The following CNST variants were observed in gnomAD, a reference collection of about 807,000 sequenced individuals.
CNST encodes consortin, connexin sorting protein.
A neutral mutation model predicts 72.4 loss-of-function variants in CNST; 39 were observed. The observed-to-expected ratio is 0.54, with a 90% CI of 0.42 to 0.70. CNST has a LOEUF of 0.70. Among genes scored for constraint, CNST ranks in the 30% least tolerant of loss-of-function variants. The probability of loss-of-function intolerance (pLI) is 0.00; values close to 1 mark genes in which losing one functional copy is unlikely to be tolerated. For missense variants in CNST, 871 were observed against 868.5 expected (o/e 1.00, Z -0.04); for synonymous variants, 332 against 320.1 (o/e 1.04, Z -0.40).
chr1:246,668,549 C>CTTTTAGATTTAAAATA lies in CNST; in HGVS notation c.*2658_*2659insTATTTTAGATTTAAAA, dbSNP rs772616363. ...CTGAAGATTATTCTAAACATTCATT[C>CTTTTAGATTTAAAATA]TTTTAGATTTAAAAATAAAAATCTT... On this transcript the variant is annotated 3_prime_UTR_variant, in exon 11 of 11. Transcript: ENST00000366513. The CTTTTAGATTTAAAATA allele has an allele frequency of 6.6e-6, 1 of 152,188 alleles. No homozygotes were observed. Among genetic ancestry groups the CTTTTAGATTTAAAATA allele is most frequent in the Non-Finnish European group, 1.5e-5 (1 of 68,018 alleles). 9.4% of individuals were successfully genotyped at this position (152,188 alleles called of 1,614,324 possible).
chr1:246,569,319 G>A (rs1458879826), intron 1 of CNST, among the ~76,000 whole-genome samples: 2 of 151,968 alleles, frequency 1.3e-5, no homozygotes, highest in African/African-American at 4.8e-5. Context: ...TATAAAATCT[G>A]GTATTTTATA....
intron 8 of CNST, among the ~76,000 whole-genome samples, chr1:246,646,315 AC>A (rs570233389): frequency 2.0e-5 from 3 of 151,660 alleles, no homozygotes; most frequent in African/African-American, 7.3e-5. Flanking sequence ...ATTTGCAAAC[AC>A]ATTTATTAGT....
intron 2 of CNST, among the ~76,000 whole-genome samples, chr1:246,610,170 T>C (rs561980886): frequency 5.3e-4 from 81 of 152,108 alleles, no homozygotes; most frequent in African/African-American, 1.8e-3. Context: ...TAATCCCAGC[T>C]ACTTGGGAGG....
At chr1:246,593,316 A>G (rs1469147233) in intron 2 of CNST, among the ~76,000 whole-genome samples, 1 of 149,792 alleles carries the variant, frequency 6.7e-6, no homozygotes, top group African/African-American at 2.4e-5. Flanking sequence ...AGGGATATGA[A>G]AGCTTTTTTT....
At chr1:246,570,743 T>C (rs1660020770) in intron 1 of CNST, among the ~76,000 whole-genome samples, 1 of 152,238 alleles carries the variant, frequency 6.6e-6, no homozygotes. Context: ...GGCACCCTTT[T>C]AGTTGGATAA....
In CNST at chr1:246,665,770, A is replaced by G; in HGVS notation, c.2043A>G (p.Gly681=). The G allele has an allele frequency of 6.2e-7, 1 of 1,613,948 alleles. No individual in the cohort carries two copies. The highest frequency in any genetic ancestry group is 2.2e-5 in the East Asian group (1 of 44,880). The change falls in exon 11 of 11, where the codon GGA becomes GGG. Residue 681 remains glycine (G), a synonymous_variant. Coordinates refer to ENST00000366513, the MANE Select transcript of CNST (RefSeq NM_152609.3). Reference sequence around the variant, plus strand: ...TAGCAACGGTTTTCCTCAGTGTTGGAGGAACTGCATTATACTGCACTTTCG... The same window carrying G: ...TAGCAACGGTTTTCCTCAGTGTTGGGGGAACTGCATTATACTGCACTTTCG... ...LCIATVFLSV[G]GTALYCTFGD...
intron 1 of CNST, among the ~76,000 whole-genome samples, chr1:246,575,817 G>A (rs1660366272): frequency 6.6e-6 from 1 of 151,998 alleles, no homozygotes; most frequent in Admixed American, 6.6e-5. Context: ...AGAAGTGGAA[G>A]AGGAAAAAAG....
intron 9 of CNST, among the ~76,000 whole-genome samples, chr1:246,657,536 C>T (rs1322520904): frequency 1.3e-5 from 2 of 152,140 alleles, no homozygotes; most frequent in African/African-American, 4.8e-5. Context: ...AAAATGTTAG[C>T]CCATCCCACA....
At chr1:246,594,338 T>G (rs985021072) in intron 2 of CNST, among the ~76,000 whole-genome samples, 7 of 152,170 alleles carry the variant, frequency 4.6e-5, no homozygotes, top group Non-Finnish European at 8.8e-5. Context: ...TATTTAGTAT[T>G]TATAATACTG....
intron 2 of CNST, among the ~76,000 whole-genome samples, chr1:246,594,166 A>C (rs1411416215): frequency 6.6e-6 from 1 of 151,890 alleles, no homozygotes; most frequent in African/African-American, 2.4e-5. Flanking sequence ...CACTTTTCTT[A>C]GGTGTGATTA....
chr1:246,581,683 A>G lies in CNST; in HGVS notation c.-51-9829A>G, dbSNP rs532082737. Among the ~76,000 whole-genome samples, 547 of 152,338 alleles carry G rather than the reference A, an allele frequency of 3.6e-3. 4 individuals carry two copies. The highest frequency in any genetic ancestry group is 0.011 in the African/African-American group (455 of 41,586). ...GAGGACATTGCATTTTACATTTTCCATTTCTTATAAACTTTTACAAAAGCA... is the reference window on the plus strand; with the variant it reads ...GAGGACATTGCATTTTACATTTTCCGTTTCTTATAAACTTTTACAAAAGCA... On this transcript the variant is annotated intron_variant, in intron 1 of 10. Transcript: ENST00000366513.
At chr1:246,660,442 T>C in intron 10 of CNST, 108 bp downstream of exon 10, 1 of 1,268,584 alleles carries the variant, frequency 7.9e-7, no homozygotes, top group South Asian at 1.4e-5. Flanking sequence ...AAAGACTATG[T>C]CCGCCAGGCA....
At chr1:246,566,900 C>T in intron 1 of CNST, 1 of 368,172 alleles carries the variant, frequency 2.7e-6, no homozygotes, top group Non-Finnish European at 4.8e-6. Flanking sequence ...CCAATTTCTC[C>T]CTCCCTAGGG....
At position 246,647,779 on chromosome 1, in the gene CNST, G is replaced by C. The variant is rs768985137; in HGVS notation, c.1578G>C (p.Val526=). 9.3e-6 allele frequency: 15 copies of C among 1,614,088 alleles called. No homozygotes were observed. The highest frequency in any genetic ancestry group is 2.7e-5 in the African/African-American group (2 of 74,942). Residue 526 remains valine, a synonymous_variant, in exon 9 of 11, where the codon GTG becomes GTC. Transcript: ENST00000366513. ...ISDLGILLPE[V]CMAPEEKGDK... is the part of the protein sequence containing the mutation. ...ACTTAGGCATACTGCTTCCAGAGGTGTGTATGGCCCCAGAGGAAAAGGGAG... is the reference window on the plus strand; with the variant it reads ...ACTTAGGCATACTGCTTCCAGAGGTCTGTATGGCCCCAGAGGAAAAGGGAG...
At chr1:246,577,050 C>T (rs1002667898) in intron 1 of CNST, among the ~76,000 whole-genome samples, 3 of 151,998 alleles carry the variant, frequency 2.0e-5, no homozygotes, top group Admixed American at 6.5e-5. Context: ...ATCTTGCCCT[C>T]CCTTTTCTAG....
chr1:246,582,939 C>T (rs1660894142), intron 1 of CNST, among the ~76,000 whole-genome samples: 1 of 152,174 alleles, frequency 6.6e-6, no homozygotes, highest in African/African-American at 2.4e-5. Context: ...GTGCCTGGGG[C>T]CAGCACTCAT....
chr1:246,608,783 AC>A (rs1663101237), intron 2 of CNST, among the ~76,000 whole-genome samples: 1 of 152,202 alleles, frequency 6.6e-6, no homozygotes, highest in South Asian at 2.1e-4. Flanking sequence ...TAAGACTGCC[AC>A]CTGAAATCAA....
intron 9 of CNST, among the ~76,000 whole-genome samples, chr1:246,659,695 T>G (rs1666979856): frequency 6.6e-6 from 1 of 152,206 alleles, no homozygotes; most frequent in Non-Finnish European, 1.5e-5. Flanking sequence ...AATGCGTAGT[T>G]TCTCAGAGAA....
At chr1:246,664,487 T>C (rs766884016) in intron 10 of CNST, among the ~76,000 whole-genome samples, 51 of 151,768 alleles carry the variant, frequency 3.4e-4, no homozygotes, top group African/African-American at 9.9e-4. Flanking sequence ...AGTGCAGTGG[T>C]GTGATCTCAG....
Sources: allele counts gnomAD v4.1 joint callset (sites outside exome capture counted in the v4.1 genomes callset), GRCh38; gene constraint gnomAD v4.1.1; transcripts MANE v1.5; gene names NCBI Gene and HGNC (gene_info 2026-07-23, HGNC 2026-07-21).